WNK1: variants seen among roughly 807,000 people sequenced by gnomAD.
WNK1 encodes WNK lysine deficient protein kinase 1, also known as serine/threonine-protein kinase WNK1.
WNK1 carries 38 observed loss-of-function variants against 222.8 expected under a neutral mutation model. The ratio of observed to expected loss-of-function variants is 0.17; its 90% CI spans 0.13 to 0.22. The LOEUF (loss-of-function observed/expected upper bound fraction) is 0.22. Ranked by LOEUF, WNK1 falls within the 10% of genes least tolerant of loss-of-function variation. WNK1 has a pLI of 1.00. For synonymous variants in WNK1, 1,090 were observed against 1,092.9 expected (o/e 1.00, Z 0.05); for missense variants, 2,348 against 2,918.4 (o/e 0.80, Z 4.50).
chr12:762,447 T>C (rs1388885115), intron 1 of WNK1, among the ~76,000 whole-genome samples: 1 of 147,776 alleles, frequency 6.8e-6, no homozygotes. Flanking sequence ...AAAATTCATG[T>C]TGTTTTTTAT....
rs541125213 is a variant in WNK1 at position 897,335 on chromosome 12, T to C, written c.6246-144T>C. 3 of 701,914 alleles carry C rather than the reference T, an allele frequency of 4.3e-6. No individual in the cohort carries two copies. The Admixed American group carries it at 6.1e-5, about 14-fold the overall frequency. 43.5% of individuals were successfully genotyped at this position (701,914 alleles called of 1,614,324 possible). On this transcript the variant is annotated intron_variant, in intron 24 of 27. Transcript: ENST00000315939. ...AGGCCAGCAAGGTGAGTTGACAAAC[T>C]AGAATCTCGTGGTAGTACATTTGGG...
chr12:809,069 T>C (rs187851476), intron 1 of WNK1, among the ~76,000 whole-genome samples: 146 of 152,056 alleles, frequency 9.6e-4, no homozygotes, highest in Admixed American at 1.8e-3. Flanking sequence ...TGGCCTCCTA[T>C]CTCTCTTATA....
chr12:868,124 G>C lies in WNK1; in HGVS notation c.2140-3141G>C. ...AACTAACTGGACACCAGAGGCCGTA[G>C]TTATGTTGGGTACTACAGCCAGTAG... On this transcript the variant is annotated intron_variant, in intron 8 of 27. Coordinates refer to ENST00000315939, the MANE Select transcript of WNK1 (RefSeq NM_018979.4). 1 of 1,614,050 alleles carries C rather than the reference G, an allele frequency of 6.2e-7. No homozygotes were observed.
intron 1 of WNK1, among the ~76,000 whole-genome samples, chr12:780,365 G>A (rs747367243): frequency 2.6e-5 from 4 of 152,080 alleles, no homozygotes; most frequent in Non-Finnish European, 4.4e-5. Context: ...TTATTTTGTG[G>A]TACTTTTCTT....
intron 1 of WNK1, among the ~76,000 whole-genome samples, chr12:780,288 C>T (rs545200406): frequency 4.6e-5 from 7 of 152,164 alleles, no homozygotes; most frequent in South Asian, 2.1e-4. Flanking sequence ...GAATGATAAC[C>T]GTTAAAATAC....
In WNK1 at chr12:827,377, A is replaced by G. The variant is rs758274017; in HGVS notation, c.1153+115A>G. The G allele has an allele frequency of 1.0e-5, 9 of 890,930 alleles. No homozygotes were observed. Among genetic ancestry groups the G allele is most frequent in the Non-Finnish European group, 1.5e-5 (8 of 540,088 alleles). The allele number at this position is 890,930 out of a possible 1,614,324, so 55.2% of individuals were successfully genotyped here. On this transcript the variant is annotated intron_variant, in intron 3 of 27. Transcript: ENST00000315939. The surrounding 1 kb of genome is among the most constrained non-coding windows in gnomAD (Gnocchi z 4.6). ...AAACCTTAAGAAATTCATAGCTTGA[A>G]CTCAGGAGGTGATCCATTGTACTTA...
At chr12:781,696 T>C (rs1943729017) in intron 1 of WNK1, among the ~76,000 whole-genome samples, 1 of 152,166 alleles carries the variant, frequency 6.6e-6, no homozygotes, top group African/African-American at 2.4e-5. Flanking sequence ...TTCAGAACCT[T>C]TTTGGATTTG....
At chr12:857,585 T>A (rs1950881096) in intron 5 of WNK1, among the ~76,000 whole-genome samples, 1 of 152,254 alleles carries the variant, frequency 6.6e-6, no homozygotes, top group South Asian at 2.1e-4. Context: ...TTCTTAGTCC[T>A]TTACCATTGA....
chr12:898,499 A>AG (rs1954941026), intron 25 of WNK1, among the ~76,000 whole-genome samples: 1 of 149,550 alleles, frequency 6.7e-6, no homozygotes, highest in Non-Finnish European at 1.5e-5. Context: ...AAAAAAAAAA[A>AG]GAAGAACTTG....
At chr12:843,260 A>G (rs972361492) in intron 4 of WNK1, among the ~76,000 whole-genome samples, 4 of 152,196 alleles carry the variant, frequency 2.6e-5, no homozygotes, top group African/African-American at 9.7e-5. Flanking sequence ...TTAGTTCAGC[A>G]TGGTATCAGT....
Position 907,866 on chromosome 12 carries a change from T to C in WNK1, c.6663T>C (p.Thr2221=). 6.2e-7 allele frequency: 1 copy of C among 1,613,890 alleles called. No homozygotes were observed. The highest frequency in any genetic ancestry group is 8.5e-7 in the Non-Finnish European group (1 of 1,180,024). ...APGQGTSSTN[T]VGATVNSQAA... ...TAATAGGAACCAGCAGCACAAACAC[T>C]GTTGGGGCAACAGTGAACAGCCAAG... The change falls in exon 27 of 28, where the codon ACT becomes ACC. Residue 2221 remains threonine, a synonymous_variant. Coordinates refer to ENST00000315939, the MANE Select transcript of WNK1 (RefSeq NM_018979.4).
At chr12:759,254 AC>A (rs1176051255) in intron 1 of WNK1, among the ~76,000 whole-genome samples, 1 of 147,300 alleles carries the variant, frequency 6.8e-6, no homozygotes, top group African/African-American at 2.4e-5. Context: ...CCGTTAGTAC[AC>A]CTTTGCTATA....
intron 21 of WNK1, among the ~76,000 whole-genome samples, chr12:889,951 C>CT (rs755068368): frequency 0.53 from 68,470 of 130,406 alleles, 18,949 homozygotes; most frequent in East Asian, 0.6. Flanking sequence ...TAAAATGTAC[C>CT]TTTTTTTTTT....
rs1953184667 is a variant in WNK1 at position 881,766 on chromosome 12, C to T, written c.3186C>T (p.Thr1062=). 15 of 1,614,094 alleles carry T rather than the reference C, an allele frequency of 9.3e-6. No individual in the cohort carries two copies. The highest frequency in any genetic ancestry group is 1.3e-5 in the African/African-American group (1 of 74,936). ...AVAQTQATQP[T]TLASSVDSAH... is the part of the protein sequence containing the mutation. ...CACAGACCCAAGCTACCCAGCCGAC[C>T]ACTTTGGCTTCCTCTGTAGACAGGT... The change falls in exon 13 of 28, where the codon ACC becomes ACT. Residue 1062 remains threonine (T), a synonymous_variant. Coordinates refer to ENST00000315939, the MANE Select transcript of WNK1 (RefSeq NM_018979.4).
intron 1 of WNK1, among the ~76,000 whole-genome samples, chr12:769,990 T>G (rs80028168): frequency 6.6e-6 from 1 of 151,788 alleles, no homozygotes; most frequent in African/African-American, 2.4e-5. Flanking sequence ...TTTTTTTTTT[T>G]GAGACGGAGT....
chr12:808,587 A>G (rs542051924), intron 1 of WNK1, among the ~76,000 whole-genome samples: 8 of 151,934 alleles, frequency 5.3e-5, no homozygotes, highest in African/African-American at 1.7e-4. Context: ...GCCAAGTCCC[A>G]GGTATTTTGG....
intron 23 of WNK1, among the ~76,000 whole-genome samples, chr12:895,522 G>A (rs1040435935): frequency 6.6e-6 from 1 of 152,136 alleles, no homozygotes; most frequent in African/African-American, 2.4e-5. Context: ...GCAGTGGCAT[G>A]ATCTCAGCCC....
chr12:778,495 T>C (rs1943352875), intron 1 of WNK1, among the ~76,000 whole-genome samples: 2 of 151,966 alleles, frequency 1.3e-5, no homozygotes, highest in Non-Finnish European at 2.9e-5. Flanking sequence ...CACGCCTGGC[T>C]AATTTTTATA....
chr12:832,326 C>A (rs1273250129), intron 4 of WNK1, among the ~76,000 whole-genome samples: 2 of 152,174 alleles, frequency 1.3e-5, no homozygotes, highest in African/African-American at 4.8e-5. Context: ...CTGCCCACCT[C>A]TGCCTCCCAA....
Sources: gnomAD v4.1 joint callset for allele counts (sites outside exome capture counted in the v4.1 genomes callset) on GRCh38, gnomAD v4.1.1 for gene constraint, Gnocchi (gnomAD v3.1) non-coding constraint, MANE v1.5 for transcripts, NCBI Gene and HGNC (gene_info 2026-07-23, HGNC 2026-07-21) for gene names.